Variants in SLC6A15 observed in about 807,000 individuals in gnomAD.
The protein encoded by SLC6A15 is solute carrier family 6 member 15, also known as sodium-dependent neutral amino acid transporter B(0)AT2.
A neutral mutation model predicts 68.5 loss-of-function variants in SLC6A15; 33 were observed. The ratio of observed to expected loss-of-function variants is 0.48; its 90% CI spans 0.37 to 0.64. The LOEUF (loss-of-function observed/expected upper bound fraction) is 0.64, where lower values mean the gene tolerates loss of function less well. Among genes scored for constraint, SLC6A15 ranks in the 30% least tolerant of loss-of-function variants. The pLI is 0.00. For missense variants in SLC6A15, 747 were observed against 874.3 expected (o/e 0.85, Z 1.84); for synonymous variants, 347 against 301.0 (o/e 1.15, Z -1.58).
intron 1 of SLC6A15, among the ~76,000 whole-genome samples, chr12:84,903,035 G>A (rs12308995): frequency 0.016 from 2,412 of 152,128 alleles, 74 homozygotes; most frequent in African/African-American, 0.054. Context: ...ATATAGTACC[G>A]TATCTGACAT....
intron 2 of SLC6A15, among the ~76,000 whole-genome samples, chr12:84,890,223 C>CT (rs1306536119): frequency 1.3e-5 from 2 of 152,048 alleles, no homozygotes; most frequent in African/African-American, 4.8e-5. Flanking sequence ...GATATTTTGA[C>CT]TTTTTTAATA....
chr12:84,873,992 A>G (rs1871404731), intron 6 of SLC6A15, among the ~76,000 whole-genome samples: 1 of 152,238 alleles, frequency 6.6e-6, no homozygotes, highest in Non-Finnish European at 1.5e-5. Flanking sequence ...TATGTCTTAG[A>G]TAATTATCAC....
intron 6 of SLC6A15, among the ~76,000 whole-genome samples, 164 bp downstream of exon 6, chr12:84,876,333 T>C (rs927340005): frequency 2.0e-5 from 3 of 152,132 alleles, no homozygotes; most frequent in Non-Finnish European, 2.9e-5. Flanking sequence ...GCTATAATTA[T>C]ACATAAAAAA....
chr12:84,888,099 G>A (rs1545491), intron 2 of SLC6A15, among the ~76,000 whole-genome samples: 3,228 of 141,206 alleles, frequency 0.023, 128 homozygotes, highest in African/African-American at 0.082. Context: ...AAAAACAAAG[G>A]AAAAAAAAAA....
chr12:84,864,472 A>G (rs2120536735), intron 10 of SLC6A15, among the ~76,000 whole-genome samples: 1 of 151,438 alleles, frequency 6.6e-6, no homozygotes, highest in African/African-American at 2.4e-5. Flanking sequence ...GGCGACCACC[A>G]TCACGCCCGG....
At position 84,867,147 on chromosome 12, in the gene SLC6A15, T is replaced by C. The variant is rs761762209; in HGVS notation, c.1542A>G (p.Gln514=). The change falls in exon 10 of 12, where the codon CAA becomes CAG. Residue 514 remains glutamine (Q), a synonymous_variant. Transcript: ENST00000266682. ...TTGTAACAAAGTAATTTCCAGAGCG[T>C]TGCACAAATATCAGGCCAATACAAA... ...LAFCIGLIFV[Q]RSGNYFVTMF... is the part of the protein sequence containing the mutation. 2 of 1,612,076 alleles carry C rather than the reference T, an allele frequency of 1.2e-6. No individual in the cohort carries two copies. The highest frequency in any genetic ancestry group is 2.7e-5 in the African/African-American group (2 of 74,848).
At position 84,910,928 on chromosome 12, in the gene SLC6A15, C is replaced by CGTGTGTGTGTGTGTGT. The variant is rs34335324; in HGVS notation, c.-189+1579_-189+1594dup. 2.4e-3 allele frequency among the ~76,000 whole-genome samples: 343 copies of CGTGTGTGTGTGTGTGT among 143,544 alleles called. 5 individuals carry two copies. The highest frequency in any genetic ancestry group is 9.1e-3 in the African/African-American group (322 of 35,324). 94.2% of individuals were successfully genotyped at this position (143,544 alleles called of 152,430 possible). ...ATTTGCTGTTGAGCCGCCCTCTTTC[C>CGTGTGTGTGTGTGTGT]GTGTGTGTGTGTGTGTGTGTGTGTG... On this transcript the variant is annotated intron_variant, in intron 1 of 11. Transcript: ENST00000266682.
chr12:84,909,765 GC>G (rs1311039911), intron 1 of SLC6A15, among the ~76,000 whole-genome samples: 2 of 152,104 alleles, frequency 1.3e-5, no homozygotes, highest in Non-Finnish European at 2.9e-5. Flanking sequence ...GTTTTTAGGA[GC>G]TTTTGATAGC....
At chr12:84,880,523 T>C (rs1179072720) in intron 5 of SLC6A15, among the ~76,000 whole-genome samples, 1 of 152,224 alleles carries the variant, frequency 6.6e-6, no homozygotes. Context: ...ACAGGCACAT[T>C]GTTTACCTTG....
At chr12:84,902,303 A>G (rs984636364) in intron 1 of SLC6A15, among the ~76,000 whole-genome samples, 1 of 152,000 alleles carries the variant, frequency 6.6e-6, no homozygotes, top group Non-Finnish European at 1.5e-5. Context: ...AAGGTGGGCT[A>G]CAAATAACAC....
At chr12:84,874,989 T>A (rs1453750685) in intron 6 of SLC6A15, among the ~76,000 whole-genome samples, 1 of 152,206 alleles carries the variant, frequency 6.6e-6, no homozygotes, top group Non-Finnish European at 1.5e-5. Flanking sequence ...TTAATAGTGA[T>A]CCCTAGTCTA....
chr12:84,899,387 G>A (rs906909023), intron 1 of SLC6A15, among the ~76,000 whole-genome samples: 9 of 152,198 alleles, frequency 5.9e-5, no homozygotes, highest in Non-Finnish European at 2.9e-5. Flanking sequence ...CCTCCCTGGA[G>A]TTTTAATCTT....
chr12:84,865,759 A>G (rs1395954972), intron 10 of SLC6A15, among the ~76,000 whole-genome samples: 1 of 152,216 alleles, frequency 6.6e-6, no homozygotes, highest in Non-Finnish European at 1.5e-5. Flanking sequence ...AATGTGCATT[A>G]AAATTTCCTC....
chr12:84,862,029 T>C (rs771354121), intron 11 of SLC6A15, 23 bp from the exon 12 acceptor site: 1 of 1,539,454 alleles, frequency 6.5e-7, no homozygotes, highest in Non-Finnish European at 8.7e-7. Context: ...AAAATAATAA[T>C]TATTAGTAAT....
intron 1 of SLC6A15, among the ~76,000 whole-genome samples, chr12:84,904,404 A>T (rs78929968): frequency 0.041 from 6,219 of 152,260 alleles, 393 homozygotes; most frequent in African/African-American, 0.14. Context: ...GAATGATTTT[A>T]AAAAGTCATT....
At chr12:84,889,487 C>T (rs1055785097) in intron 2 of SLC6A15, among the ~76,000 whole-genome samples, 2 of 129,650 alleles carry the variant, frequency 1.5e-5, no homozygotes, top group African/African-American at 5.8e-5. Context: ...GAGCAAGACT[C>T]GGTCTCAGAA....
chr12:84,878,769 C>T (rs1387480732), intron 5 of SLC6A15, among the ~76,000 whole-genome samples: 1 of 152,044 alleles, frequency 6.6e-6, no homozygotes, highest in Non-Finnish European at 1.5e-5. Flanking sequence ...GTATGTCCCA[C>T]TTCCTCAAAT....
chr12:84,878,021 C>T (rs967285934), intron 5 of SLC6A15, among the ~76,000 whole-genome samples: 1 of 152,060 alleles, frequency 6.6e-6, no homozygotes, highest in South Asian at 2.1e-4. Context: ...GCAGATGATG[C>T]TTCCGGGCAG....
chr12:84,908,398 T>C (rs896358156), intron 1 of SLC6A15, among the ~76,000 whole-genome samples: 1 of 151,902 alleles, frequency 6.6e-6, no homozygotes, highest in African/African-American at 2.4e-5. Context: ...TTCTTGTAAA[T>C]TCAGAAACAA....
Sources: allele counts gnomAD v4.1 joint callset (sites outside exome capture counted in the v4.1 genomes callset), GRCh38; gene constraint gnomAD v4.1.1; transcripts MANE v1.5; gene names NCBI Gene and HGNC (gene_info 2026-07-23, HGNC 2026-07-21).